Variants in PPP6R2 observed in about 807,000 individuals in gnomAD.
The protein encoded by PPP6R2 is protein phosphatase 6 regulatory subunit 2, also known as serine/threonine-protein phosphatase 6 regulatory subunit 2.
Under a neutral mutation model 100.2 loss-of-function variants are expected in PPP6R2, and 62 were observed. The ratio of observed to expected loss-of-function variants is 0.62; its 90% CI spans 0.50 to 0.76. The LOEUF (loss-of-function observed/expected upper bound fraction) is 0.76. PPP6R2 is among the 30% of genes least tolerant of loss of function. The pLI, the probability that PPP6R2 is intolerant of heterozygous loss-of-function variation, is 0.00. For missense variants in PPP6R2, 1,142 were observed against 1,276.3 expected (o/e 0.89, Z 1.60); for synonymous variants, 525 against 514.7 (o/e 1.02, Z -0.27).
intron 2 of PPP6R2, among the ~76,000 whole-genome samples, chr22:50,393,000 G>C (rs2055962101): frequency 6.6e-6 from 1 of 152,198 alleles, no homozygotes; most frequent in Non-Finnish European, 1.5e-5. Flanking sequence ...TCACAGTAAA[G>C]TTTTAACTTT....
chr22:50,397,071 C>T lies in PPP6R2; in HGVS notation c.227+2936C>T, dbSNP rs12163522. ...GAATCCCAGAGTAGCATCAGTGAGC[C>T]GGGAGAGTCTCATAGAGTTTGGGAG... On this transcript the variant is annotated intron_variant, in intron 3 of 23. Coordinates refer to ENST00000612753, the MANE Select transcript of PPP6R2 (RefSeq NM_001242898.2). Among the ~76,000 whole-genome samples the T allele has an allele frequency of 7.8e-4, 118 of 152,134 alleles. 1 individual carries two copies. In the East Asian group the frequency reaches 0.019, roughly 25 times the overall value.
At chr22:50,339,207 G>A (rs1214229364), upstream of PPP6R2, among the ~76,000 whole-genome samples, 1 of 142,832 alleles carries the variant, frequency 7.0e-6, no homozygotes, top group African/African-American at 2.6e-5. Flanking sequence ...GTTGTATGTG[G>A]TGTGTGTGTA....
intron 10 of PPP6R2, among the ~76,000 whole-genome samples, chr22:50,426,678 T>C (rs1305846309): frequency 1.3e-5 from 2 of 151,906 alleles, no homozygotes; most frequent in African/African-American, 4.8e-5. Context: ...CTACAAAAAA[T>C]ACAAAAATTA....
intron 1 of PPP6R2, among the ~76,000 whole-genome samples, chr22:50,370,689 A>C (rs933580343): frequency 6.6e-6 from 1 of 150,816 alleles, no homozygotes; most frequent in Non-Finnish European, 1.5e-5. Context: ...GCTGGAGTGC[A>C]GTGGCGTGAT....
intron 22 of PPP6R2, among the ~76,000 whole-genome samples, chr22:50,441,244 T>TCTTTCG (rs1299530336): frequency 6.6e-6 from 1 of 152,144 alleles, no homozygotes; most frequent in African/African-American, 2.4e-5. Context: ...TGTGGGGCCT[T>TCTTTCG]CTTTCGTGGA....
chr22:50,362,379 G>A (rs1262105506), intron 1 of PPP6R2, among the ~76,000 whole-genome samples: 1 of 152,200 alleles, frequency 6.6e-6, no homozygotes, highest in Non-Finnish European at 1.5e-5. Flanking sequence ...AGACTTTGGT[G>A]GGAGACCAGC....
intron 2 of PPP6R2, among the ~76,000 whole-genome samples, chr22:50,384,747 TG>T (rs1344213282): frequency 1.3e-5 from 2 of 152,048 alleles, no homozygotes; most frequent in African/African-American, 2.4e-5. Flanking sequence ...TTTTTTGTTT[TG>T]TTTTTTTAAG....
At chr22:50,406,469 A>G (rs2058976331) in intron 3 of PPP6R2, among the ~76,000 whole-genome samples, 1 of 152,226 alleles carries the variant, frequency 6.6e-6, no homozygotes, top group Non-Finnish European at 1.5e-5. Flanking sequence ...ATATCAGCGT[A>G]TAGGGCATGA....
upstream of PPP6R2, among the ~76,000 whole-genome samples, chr22:50,338,512 G>A (rs577612904): frequency 6.0e-4 from 82 of 135,842 alleles, 1 homozygote; most frequent in Non-Finnish European, 9.4e-5. Flanking sequence ...GGTGTGTGTA[G>A]TGTGTGTGTG....
chr22:50,434,532 G>T, intron 12 of PPP6R2, among the ~76,000 whole-genome samples: 3 of 86,972 alleles, frequency 3.4e-5, no homozygotes, highest in African/African-American at 5.2e-5. Context: ...GAGGGCCGGG[G>T]GCGCGGACGC....
intron 5 of PPP6R2, among the ~76,000 whole-genome samples, chr22:50,415,537 G>C (rs755681405): frequency 1.3e-5 from 2 of 152,244 alleles, no homozygotes; most frequent in African/African-American, 2.4e-5. Context: ...GTAGCCACGG[G>C]GGGACAGCTC....
At chr22:50,370,660 G>A (rs180720672) in intron 1 of PPP6R2, among the ~76,000 whole-genome samples, 1 of 150,804 alleles carries the variant, frequency 6.6e-6, no homozygotes, top group East Asian at 2.0e-4. Context: ...TTGAGACGGA[G>A]TCTCACTCTG....
At chr22:50,349,667 AAT>A (rs1335695806) in intron 1 of PPP6R2, among the ~76,000 whole-genome samples, 2 of 151,718 alleles carry the variant, frequency 1.3e-5, no homozygotes, top group Admixed American at 1.3e-4. Flanking sequence ...CTTTACTAAA[AAT>A]ACAAAAAATT....
chr22:50,441,202 C>T (rs2065510018), intron 22 of PPP6R2, 176 bp downstream of exon 22: 4 of 612,956 alleles, frequency 6.5e-6, no homozygotes, highest in African/African-American at 1.8e-5. Context: ...CGGTGGTGCC[C>T]ACGCGTTTAC....
chr22:50,438,211 G>C lies in PPP6R2; in HGVS notation c.1877G>C (p.Arg626Pro). 6.2e-7 allele frequency: 1 copy of C among 1,613,818 alleles called. No homozygotes were observed. Among genetic ancestry groups the C allele is most frequent in the Non-Finnish European group, 8.5e-7 (1 of 1,179,924 alleles). ...AALFEACCSD[R>P]IQPFDDDEDE... is the part of the protein sequence containing the mutation. ...CTGTTTGAGGCCTGCTGCAGTGACC[G>C]CATCCAGCCCTTTGATGATGATGAG... Residue 626 changes from arginine (R) to proline (P), a missense_variant, in exon 18 of 24, where the codon CGC becomes CCC. Arg to Pro is a moderately radical substitution (Grantham distance 103). This residue lies in a region of PPP6R2 where 550 missense variants were observed against 517.4 expected (regional missense o/e 1.06). Transcript: ENST00000612753.
intron 1 of PPP6R2, among the ~76,000 whole-genome samples, chr22:50,369,259 A>G (rs980170512): frequency 6.6e-6 from 1 of 151,282 alleles, no homozygotes; most frequent in Admixed American, 6.6e-5. Context: ...AAGAAAACAC[A>G]TTTCTTTATT....
intron 1 of PPP6R2, among the ~76,000 whole-genome samples, chr22:50,353,863 T>A (rs2045871320): frequency 9.9e-6 from 1 of 100,542 alleles, no homozygotes; most frequent in Non-Finnish European, 2.5e-5. Context: ...TTAAAAATAT[T>A]TTTAAAAAAT....
chr22:50,339,412 T>G (rs527595126), upstream of PPP6R2, among the ~76,000 whole-genome samples: 18 of 143,748 alleles, frequency 1.3e-4, no homozygotes, highest in South Asian at 4.1e-3. Flanking sequence ...GTGGTGTGTG[T>G]GTAGGGTGTG....
chr22:50,356,208 C>T (rs552224987), intron 1 of PPP6R2, among the ~76,000 whole-genome samples: 2 of 152,206 alleles, frequency 1.3e-5, no homozygotes, highest in South Asian at 2.1e-4. Context: ...TCGTGATCTG[C>T]CTGCCTCGGC....
Sources: gnomAD v4.1 joint callset for allele counts (sites outside exome capture counted in the v4.1 genomes callset) on GRCh38, gnomAD v4.1.1 for gene constraint, gnomAD v4.1.1 regional missense constraint, MANE v1.5 for transcripts, NCBI Gene and HGNC (gene_info 2026-07-23, HGNC 2026-07-21) for gene names.